The following COPA variants were observed in gnomAD, a reference collection of about 807,000 sequenced individuals.
COPA encodes the protein coat protein complex I subunit alpha.
COPA carries 10 observed loss-of-function variants against 158.7 expected under a neutral mutation model. The observed-to-expected ratio is 0.06, with a 90% CI of 0.04 to 0.11. COPA has a LOEUF of 0.11. Ranked by LOEUF, COPA falls within the 10% of genes least tolerant of loss-of-function variation. The pLI, the probability that COPA is intolerant of heterozygous loss-of-function variation, is 1.00. For synonymous variants in COPA, 462 were observed against 542.8 expected (o/e 0.85, Z 2.07); for missense variants, 1,065 against 1,536.7 (o/e 0.69, Z 5.13).
intron 6 of COPA, among the ~76,000 whole-genome samples, chr1:160,326,621 A>G (rs1204788307): frequency 6.6e-5 from 10 of 152,256 alleles, no homozygotes; most frequent in African/African-American, 2.4e-4. Context: ...TGGGTTACAG[A>G]AACTAGGCCT....
Position 160,309,115 on chromosome 1 carries a change from G to C in COPA, c.1205C>G (p.Ser402Cys). 1.2e-6 allele frequency: 2 copies of C among 1,613,586 alleles called. No homozygotes were observed. Among genetic ancestry groups the C allele is most frequent in the Non-Finnish European group, 1.7e-6 (2 of 1,179,500 alleles). Residue 402 changes from serine to cysteine, a missense_variant, in exon 13 of 33, where the codon TCC becomes TGC. Coordinates refer to ENST00000241704, the MANE Select transcript of COPA (RefSeq NM_004371.4). ...DLYTIPKDAD[S>C]QNPDAPEGKR... ...AGAACACTTACCATCAGGATTCTGG[G>C]AGTCAGCATCTTTAGGGATGGTGTA...
intron 4 of COPA, among the ~76,000 whole-genome samples, chr1:160,334,173 T>G (rs1290162884): frequency 2.6e-5 from 4 of 152,184 alleles, no homozygotes; most frequent in Non-Finnish European, 5.9e-5. Flanking sequence ...GTCTATAAGA[T>G]TGTTGAGAAA....
At chr1:160,333,260 G>T (rs1045225864) in intron 5 of COPA, among the ~76,000 whole-genome samples, 18 of 152,190 alleles carry the variant, frequency 1.2e-4, no homozygotes, top group African/African-American at 3.9e-4. Context: ...ACTCTTCATG[G>T]AAAGTTCTAT....
chr1:160,307,171 T>C lies in COPA; in HGVS notation c.1294A>G (p.Met432Val). The C allele has an allele frequency of 6.2e-7, 1 of 1,614,122 alleles. No homozygotes were observed. Among genetic ancestry groups the C allele is most frequent in the Admixed American group, 1.7e-5 (1 of 60,018 alleles). Residue 432 changes from methionine to valine, a missense_variant, in exon 14 of 33, where the codon ATG (methionine) becomes GTG (valine). Met to Val is a conservative substitution (Grantham distance 21, BLOSUM62 1). Around this residue, in one of 2 missense-constraint regions of COPA, gnomAD observed 980 missense variants for 1,357.8 expected, o/e 0.72. Transcript: ENST00000241704. Reference sequence around the variant, plus strand: ...TTTTAGTCTTAACTCACCGAATGCATCCGATCTAGGACAGCAAACCGATTT... The same window carrying C: ...TTTTAGTCTTAACTCACCGAATGCACCCGATCTAGGACAGCAAACCGATTT... ...ARNRFAVLDR[M>V]HSLLIKNLKN... is the part of the protein sequence containing the mutation.
chr1:160,335,373 A>G, intron 3 of COPA, 51 bp from the exon 4 acceptor site: 13 of 1,442,426 alleles, frequency 9.0e-6, no homozygotes, highest in Non-Finnish European at 1.1e-5. Flanking sequence ...GAGCCTCTAA[A>G]AGGCTCAGAG....
At chr1:160,308,801 G>T in intron 13 of COPA, 1 of 313,002 alleles carries the variant, frequency 3.2e-6, no homozygotes. Flanking sequence ...GAAACTACCA[G>T]GGTGAAAGTC....
In COPA at chr1:160,289,092, C is replaced by G. The variant is rs563620387; in HGVS notation, c.*1065G>C. Among the ~76,000 whole-genome samples, 16 of 151,984 alleles carry G rather than the reference C, an allele frequency of 1.1e-4. No homozygotes were observed. Among genetic ancestry groups the G allele is most frequent in the African/African-American group, 3.9e-4 (16 of 41,458 alleles). On this transcript the variant is annotated 3_prime_UTR_variant, in exon 33 of 33. Transcript: ENST00000241704. ...TTCAAGCAATCCTCTGCCTCAGCCT[C>G]CAGAGTAGCTGGGATTACAGGCACC...
intron 17 of COPA, among the ~76,000 whole-genome samples, chr1:160,302,196 T>C (rs986256927): frequency 1.3e-5 from 2 of 152,192 alleles, no homozygotes; most frequent in Non-Finnish European, 2.9e-5. Flanking sequence ...CAATTTTAAA[T>C]TGATTTTATT....
chr1:160,332,719 G>A (rs1425010465), intron 5 of COPA, among the ~76,000 whole-genome samples, 162 bp from the exon 6 acceptor site: 2 of 152,130 alleles, frequency 1.3e-5, no homozygotes, highest in Non-Finnish European at 2.9e-5. Context: ...AATAAGCCCA[G>A]TCAGCTATTT....
chr1:160,316,529 T>G (rs1359101398), intron 8 of COPA, among the ~76,000 whole-genome samples: 1 of 151,838 alleles, frequency 6.6e-6, no homozygotes, highest in Non-Finnish European at 1.5e-5. Context: ...GGTGGGCGGA[T>G]CATCTAAGGT....
intron 17 of COPA, among the ~76,000 whole-genome samples, chr1:160,303,300 A>G (rs145688646): frequency 1.3e-5 from 2 of 152,366 alleles, no homozygotes; most frequent in East Asian, 3.8e-4. Flanking sequence ...GGATCAAAGG[A>G]AAAGTTGTAC....
In COPA at chr1:160,310,523, T is replaced by A. The variant is rs137957897; in HGVS notation, c.1077-265A>T. ...AACAGAAGGTAGGTAGGGTTAACACTCACTGTAGTGAGTGGGACTGGTTCT... is the reference window on the plus strand; with the variant it reads ...AACAGAAGGTAGGTAGGGTTAACACACACTGTAGTGAGTGGGACTGGTTCT... On this transcript the variant is annotated intron_variant, in intron 11 of 32. Transcript: ENST00000241704. 178 of 254,924 alleles carry A rather than the reference T, an allele frequency of 7.0e-4. 2 individuals carry two copies. The East Asian group carries it at 0.014, about 20-fold the overall frequency. 15.8% of individuals were successfully genotyped at this position (254,924 alleles called of 1,614,324 possible).
rs1647583981 is a variant in COPA, at chr1:160,332,613, A to G, written c.387-56T>C. 3 of 1,212,220 alleles carry G rather than the reference A, an allele frequency of 2.5e-6. No individual in the cohort carries two copies. In the East Asian group the frequency reaches 7.1e-5, roughly 29 times the overall value. 75.1% of individuals were successfully genotyped at this position (1,212,220 alleles called of 1,614,324 possible). ...TAGAGGTGGAAGTCAACAGACTCCT[A>G]AACTAAATACCTTTCTCCATATTCA... On this transcript the variant is annotated intron_variant, in intron 5 of 32. Coordinates refer to ENST00000241704, the MANE Select transcript of COPA (RefSeq NM_004371.4).
chr1:160,303,046 G>A (rs1271748926), intron 17 of COPA, among the ~76,000 whole-genome samples: 3 of 151,920 alleles, frequency 2.0e-5, no homozygotes, highest in Non-Finnish European at 4.4e-5. Flanking sequence ...GGTGGCATGC[G>A]CCTATAATAC....
rs1658112228 is a variant in COPA, at chr1:160,288,596, AT to A, written c.*1560del. On this transcript the variant is annotated 3_prime_UTR_variant, in exon 33 of 33. Coordinates refer to ENST00000241704, the MANE Select transcript of COPA (RefSeq NM_004371.4). ...ACAGAATAGCTTTTTATATTTACTG[AT>A]TTTTCAACTATATGCATTTATTATT... Among the ~76,000 whole-genome samples, 2 of 152,016 alleles carry A rather than the reference AT, an allele frequency of 1.3e-5. No individual in the cohort carries two copies. The highest frequency in any genetic ancestry group is 4.1e-4 in the South Asian group (2 of 4,830).
chr1:160,330,440 A>T (rs1647457326), intron 6 of COPA, among the ~76,000 whole-genome samples: 1 of 152,076 alleles, frequency 6.6e-6, no homozygotes, highest in African/African-American at 2.4e-5. Flanking sequence ...AGAGAATACA[A>T]CTGCCCTATC....
chr1:160,290,529 G>A lies in COPA; in HGVS notation c.3578C>T (p.Ser1193Phe). 6.8e-6 allele frequency: 11 copies of A among 1,614,172 alleles called. No individual in the cohort carries two copies. The highest frequency in any genetic ancestry group is 9.3e-6 in the Non-Finnish European group (11 of 1,180,030). Residue 1193 changes from serine to phenylalanine, a missense_variant, in exon 32 of 33, where the codon TCC (serine) becomes TTC (phenylalanine). This residue lies in a region of COPA where 980 missense variants were observed against 1,357.8 expected (regional missense o/e 0.72). Coordinates refer to ENST00000241704, the MANE Select transcript of COPA (RefSeq NM_004371.4). ...EKCPLSGACY[S>F]PEFKGQICRV... ...GCAGATTTGACCTTTGAACTCAGGG[G>A]AATAGCAGGCCCCACTGAGTGGACA...
At chr1:160,332,745 T>C (rs1162182472) in intron 5 of COPA, among the ~76,000 whole-genome samples, 188 bp from the exon 6 acceptor site, 1 of 152,224 alleles carries the variant, frequency 6.6e-6, no homozygotes, top group Non-Finnish European at 1.5e-5. Context: ...ATAGTTCTCT[T>C]CTTGCCTCTA....
rs564564803 is a variant in COPA, at chr1:160,340,108, A to C, written c.154+73T>G. ...CTTTAATCATAGAGGAATCCATGTC[A>C]AACAAGGCTTAAAATACCCCAGGAT... On this transcript the variant is annotated intron_variant, in intron 2 of 32. Transcript: ENST00000241704. The C allele has an allele frequency of 6.2e-5, 92 of 1,495,274 alleles. No homozygotes were observed. In the East Asian group the frequency reaches 1.9e-3, roughly 31 times the overall value. The allele number at this position is 1,495,274 out of a possible 1,614,324, so 92.6% of individuals were successfully genotyped here.
Sources: allele counts gnomAD v4.1 joint callset (sites outside exome capture counted in the v4.1 genomes callset), GRCh38; gene constraint gnomAD v4.1.1; regional missense constraint gnomAD v4.1.1; transcripts MANE v1.5; gene names NCBI Gene and HGNC (gene_info 2026-07-23, HGNC 2026-07-21).